HEATR5B: variants seen among roughly 807,000 people sequenced by gnomAD.
The protein encoded by HEATR5B is HEAT repeat-containing protein 5B.
HEATR5B carries 156 observed loss-of-function variants against 224.1 expected under a neutral mutation model. That is an observed-to-expected ratio of 0.70 (90% CI 0.61 to 0.80). The LOEUF is 0.80. Among genes scored for constraint, HEATR5B ranks in the 30% least tolerant of loss-of-function variants. The pLI is 0.00. For synonymous variants in HEATR5B, 1,027 were observed against 893.0 expected (o/e 1.15, Z -2.68); for missense variants, 2,323 against 2,535.5 (o/e 0.92, Z 1.80).
At chr2:37,031,022 T>C (rs1185729984) in intron 22 of HEATR5B, among the ~76,000 whole-genome samples, 1 of 152,258 alleles carries the variant, frequency 6.6e-6, no homozygotes, top group Non-Finnish European at 1.5e-5. Flanking sequence ...GCCATGCCTA[T>C]GGCATCAGCC....
In HEATR5B at chr2:37,068,818, T is replaced by G; in HGVS notation, c.1040A>C (p.His347Pro). Reference sequence around the variant, plus strand: ...TCGTCTGGAGTACACAGCCTCCACATGTGTTTGTGTTGCCCGAGGATGGGA... The same window carrying G: ...TCGTCTGGAGTACACAGCCTCCACAGGTGTTTGTGTTGCCCGAGGATGGGA... Reference protein sequence around the residue: ...LVSHPRATQTHVEAVYSRRCV... With the variant: ...LVSHPRATQTPVEAVYSRRCV... Residue 347 changes from histidine (H) to proline (P), a missense_variant, in exon 8 of 36, where the codon CAT becomes CCT. By Grantham distance (77) the His-to-Pro change is moderately conservative. Coordinates refer to ENST00000233099, the MANE Select transcript of HEATR5B (RefSeq NM_019024.3). 6.2e-7 allele frequency: 1 copy of G among 1,614,146 alleles called. No individual in the cohort carries two copies.
At chr2:37,035,080 G>A (rs1425791687) in intron 21 of HEATR5B, among the ~76,000 whole-genome samples, 2 of 152,102 alleles carry the variant, frequency 1.3e-5, no homozygotes, top group Non-Finnish European at 2.9e-5. Flanking sequence ...AACATATATG[G>A]AGAACATCAT....
At chr2:37,017,687 C>CAA (rs1056240189) in intron 26 of HEATR5B, among the ~76,000 whole-genome samples, 1,062 of 59,818 alleles carry the variant, frequency 0.018, 9 homozygotes, top group African/African-American at 0.023. Context: ...AATTCCGTCT[C>CAA]AAAAAAAAAA....
intron 18 of HEATR5B, 53 bp downstream of exon 18, chr2:37,049,600 T>A: frequency 6.9e-7 from 1 of 1,453,530 alleles, no homozygotes; most frequent in Non-Finnish European, 9.6e-7. Context: ...GATTATTATT[T>A]AAAAGACATC....
rs6738111 is a variant in HEATR5B at position 37,053,235 on chromosome 2, T to C, written c.2505+267A>G. Among the ~76,000 whole-genome samples, 5,188 of 152,326 alleles carry C rather than the reference T, an allele frequency of 0.034. 121 individuals are homozygous for C. Among genetic ancestry groups the C allele is most frequent in the Non-Finnish European group, 0.052 (3,530 of 68,026 alleles). On this transcript the variant is annotated intron_variant, in intron 17 of 35. Transcript: ENST00000233099. ...AATATCCGATTTCATTCGTCAAACA[T>C]CTTTGAAAATTCTGAAAGAATTTAT...
chr2:37,025,802 T>C (rs1668733202), intron 24 of HEATR5B, among the ~76,000 whole-genome samples: 1 of 152,212 alleles, frequency 6.6e-6, no homozygotes, highest in African/African-American at 2.4e-5. Context: ...AAATGTAGTA[T>C]GCACACTTAT....
intron 5 of HEATR5B, among the ~76,000 whole-genome samples, chr2:37,074,681 T>C (rs529307792): frequency 2.0e-5 from 3 of 152,154 alleles, no homozygotes; most frequent in Non-Finnish European, 4.4e-5. Context: ...AAAAAACCTA[T>C]AAAACACTCT....
chr2:37,058,365 G>T, intron 14 of HEATR5B, 86 bp downstream of exon 14: 1 of 765,406 alleles, frequency 1.3e-6, no homozygotes, highest in South Asian at 1.5e-5. Context: ...CAGTAAGTCA[G>T]TGGGAGAGCC....
intron 21 of HEATR5B, among the ~76,000 whole-genome samples, chr2:37,037,597 G>A (rs1212586164): frequency 1.3e-5 from 2 of 151,818 alleles, no homozygotes; most frequent in East Asian, 3.9e-4. Context: ...AACATAAAAG[G>A]GTGACTATAG....
At position 37,002,333 on chromosome 2, in the gene HEATR5B, C is replaced by T; in HGVS notation, c.5290G>A (p.Asp1764Asn). 1 of 1,614,178 alleles carries T rather than the reference C, an allele frequency of 6.2e-7. No individual in the cohort carries two copies. Among genetic ancestry groups the T allele is most frequent in the Non-Finnish European group, 8.5e-7 (1 of 1,180,036 alleles). The change falls in exon 32 of 36, where the codon GAT becomes AAT. Residue 1764 changes from aspartate (D) to asparagine (N), a missense_variant. Physicochemically the swap from Asp to Asn is conservative, Grantham distance 23 (BLOSUM62 1). Coordinates refer to ENST00000233099, the MANE Select transcript of HEATR5B (RefSeq NM_019024.3). ...LVAATVTILS[D>N]LPSLCSPAGC... ...GCGGGTGAACAAAGGGATGGTAAAT[C>T]AGAGAGTATGGTAACTGTGGCTGCC...
chr2:37,013,224 G>C (rs1294147055), intron 27 of HEATR5B, among the ~76,000 whole-genome samples: 1 of 152,202 alleles, frequency 6.6e-6, no homozygotes, highest in Non-Finnish European at 1.5e-5. Flanking sequence ...AGGGAAGTGA[G>C]ATACTGAGCT....
rs145870649 is a variant in HEATR5B, at chr2:37,016,166, G to A, written c.4105-2146C>T. 9.3e-3 allele frequency among the ~76,000 whole-genome samples: 1,363 copies of A among 146,888 alleles called. 25 individuals carry two copies. Among genetic ancestry groups the A allele is most frequent in the African/African-American group, 0.033 (1,297 of 39,352 alleles). ...CTCACTCTGTCACCCAGGTTGGAGC[G>A]CAGTGGCGTGATTTTGGCTCACTGC... On this transcript the variant is annotated intron_variant, in intron 26 of 35. Coordinates refer to ENST00000233099, the MANE Select transcript of HEATR5B (RefSeq NM_019024.3).
chr2:36,988,123 G>C (rs1666069530), intron 35 of HEATR5B, among the ~76,000 whole-genome samples: 1 of 151,544 alleles, frequency 6.6e-6, no homozygotes, highest in Non-Finnish European at 1.5e-5. Flanking sequence ...TAGATCTTAA[G>C]GGATGCATAC....
chr2:37,033,819 G>A (rs1287273835), intron 21 of HEATR5B, among the ~76,000 whole-genome samples: 2 of 152,148 alleles, frequency 1.3e-5, no homozygotes, highest in African/African-American at 2.4e-5. Context: ...CAGGAATATG[G>A]TGTAAATAAG....
chr2:37,082,072 T>TC, intron 2 of HEATR5B, among the ~76,000 whole-genome samples: 1 of 102,430 alleles, frequency 9.8e-6, no homozygotes, highest in Non-Finnish European at 2.0e-5. Context: ...TTTTTTTTTT[T>TC]TTTTTTTTTT....
At chr2:37,076,347 T>C (rs574000124) in intron 4 of HEATR5B, among the ~76,000 whole-genome samples, 2 of 152,128 alleles carry the variant, frequency 1.3e-5, no homozygotes, top group South Asian at 4.1e-4. Context: ...AACAGGGAAA[T>C]AATTTAGACA....
At chr2:37,080,855 C>A (rs952742646) in intron 2 of HEATR5B, among the ~76,000 whole-genome samples, 2 of 151,294 alleles carry the variant, frequency 1.3e-5, no homozygotes, top group African/African-American at 2.4e-5. Flanking sequence ...GGAGAGGAAC[C>A]AAAACCTAAC....
chr2:37,050,320 G>A (rs1345240151), intron 17 of HEATR5B, among the ~76,000 whole-genome samples: 6 of 152,024 alleles, frequency 3.9e-5, no homozygotes, highest in African/African-American at 1.2e-4. Flanking sequence ...TTCAATTCAC[G>A]GTAATTACTT....
chr2:37,065,174 T>C (rs560759748), intron 9 of HEATR5B, among the ~76,000 whole-genome samples, 184 bp from the exon 10 acceptor site: 2 of 152,292 alleles, frequency 1.3e-5, no homozygotes, highest in African/African-American at 2.4e-5. Context: ...ATGAAGAACA[T>C]AGTACAATTA....
Sources: gnomAD v4.1 joint callset for allele counts (sites outside exome capture counted in the v4.1 genomes callset) on GRCh38, gnomAD v4.1.1 for gene constraint, MANE v1.5 for transcripts, NCBI Gene and HGNC (gene_info 2026-07-23, HGNC 2026-07-21) for gene names.